LRRC7: variants seen among roughly 807,000 people sequenced by gnomAD.
LRRC7 encodes leucine-rich repeat-containing protein 7.
Under a neutral mutation model 175.7 loss-of-function variants are expected in LRRC7, and 23 were observed. The observed-to-expected ratio is 0.13, with a 90% CI of 0.09 to 0.19. LRRC7 has a LOEUF of 0.19. Ranked by LOEUF, LRRC7 falls within the 10% of genes least tolerant of loss-of-function variation. The pLI is 1.00. For missense variants in LRRC7, 1,354 were observed against 1,904.7 expected, an observed-to-expected ratio of 0.71 and a Z score of 5.38; for synonymous variants, 685 against 680.9, an observed-to-expected ratio of 1.01 and a Z score of -0.09.
At chr1:69,585,190 T>C (rs964679228) in intron 1 of LRRC7, among the ~76,000 whole-genome samples, 6 of 152,140 alleles carry the variant, frequency 3.9e-5, no homozygotes, top group Admixed American at 3.9e-4. Context: ...TTAATATTTA[T>C]TGGGGGTCTA....
At position 70,133,706 on chromosome 1, in the gene LRRC7, A is replaced by G. The variant is rs1206610152; in HGVS notation, c.*11819A>G. 6.6e-6 allele frequency among the ~76,000 whole-genome samples: 1 copy of G among 152,114 alleles called. No homozygotes were observed. The highest frequency in any genetic ancestry group is 1.5e-5 in the Non-Finnish European group (1 of 68,012). On this transcript the variant is annotated 3_prime_UTR_variant, in exon 27 of 27. Transcript: ENST00000651989. ...TCACCCAAAACCTAATGAGACAGAAACCACTTTCTCAGTGAGGCTTGATTG... is the reference window on the plus strand; with the variant it reads ...TCACCCAAAACCTAATGAGACAGAAGCCACTTTCTCAGTGAGGCTTGATTG...
chr1:70,026,220 A>G (rs980262219), intron 17 of LRRC7, among the ~76,000 whole-genome samples: 2 of 152,108 alleles, frequency 1.3e-5, no homozygotes, highest in Admixed American at 6.6e-5. Flanking sequence ...GGATTTTTTA[A>G]GTTGCATAGA....
intron 1 of LRRC7, among the ~76,000 whole-genome samples, chr1:69,652,178 A>T (rs916388856): frequency 2.0e-5 from 3 of 152,192 alleles, no homozygotes; most frequent in African/African-American, 7.2e-5. Flanking sequence ...AAAAAGAAAT[A>T]AAGGGCATAC....
At chr1:69,614,773 C>T (rs1043592331) in intron 1 of LRRC7, among the ~76,000 whole-genome samples, 6 of 152,036 alleles carry the variant, frequency 3.9e-5, no homozygotes, top group African/African-American at 1.4e-4. Context: ...AACAAATCTA[C>T]TTACTGTGGC....
rs75982098 is a variant in LRRC7 at position 69,883,702 on chromosome 1, G to T, written c.647+45419G>T. ...GAAGTCCTTGCCCATGCCTATGTCC[G>T]GAATGGTAATGCCTAGGTTTTCTTC... On this transcript the variant is annotated intron_variant, in intron 7 of 26. Transcript: ENST00000651989. 2.6e-4 allele frequency among the ~76,000 whole-genome samples: 23 copies of T among 87,454 alleles called. 1 individual carries two copies. Among genetic ancestry groups the T allele is most frequent in the South Asian group, 7.0e-4 (2 of 2,874 alleles). The allele number at this position is 87,454 out of a possible 152,430, so 57.4% of individuals were successfully genotyped here. A position where few individuals can be genotyped will look rare whatever the true frequency, so the allele number is the denominator to read the frequency against.
At chr1:69,792,270 C>T in intron 4 of LRRC7, 110 bp downstream of exon 4, 1 of 686,098 alleles carries the variant, frequency 1.5e-6, no homozygotes. Context: ...GATTTTGTTG[C>T]AACTGTAGTT....
At chr1:69,761,822 G>A (rs1671069132) in intron 3 of LRRC7, among the ~76,000 whole-genome samples, 1 of 152,012 alleles carries the variant, frequency 6.6e-6, no homozygotes, top group South Asian at 2.1e-4. Context: ...TGTTGTCCCT[G>A]ACTGAGAGAA....
At chr1:69,736,097 T>C (rs1425805731) in intron 2 of LRRC7, among the ~76,000 whole-genome samples, 3 of 152,120 alleles carry the variant, frequency 2.0e-5, no homozygotes, top group African/African-American at 7.2e-5. Context: ...TTTGATGCTT[T>C]CCTACAAGTC....
intron 10 of LRRC7, among the ~76,000 whole-genome samples, chr1:69,989,157 C>T (rs76630348): frequency 6.6e-6 from 1 of 151,728 alleles, no homozygotes; most frequent in Non-Finnish European, 1.5e-5. Context: ...TAACAAAAAC[C>T]TGAGCTATGA....
intron 22 of LRRC7, among the ~76,000 whole-genome samples, chr1:70,046,532 G>GCCT (rs1422996763): frequency 6.6e-6 from 1 of 152,058 alleles, no homozygotes; most frequent in Non-Finnish European, 1.5e-5. Context: ...GAAAAGTAGA[G>GCCT]AAGGCAAGGG....
chr1:69,909,236 G>T (rs1452830201), intron 7 of LRRC7, among the ~76,000 whole-genome samples: 2 of 152,082 alleles, frequency 1.3e-5, no homozygotes, highest in Non-Finnish European at 2.9e-5. Flanking sequence ...TTGCCAGTCT[G>T]TGTCTTTTAA....
intron 2 of LRRC7, among the ~76,000 whole-genome samples, chr1:69,724,365 C>A (rs1666700692): frequency 6.6e-6 from 1 of 152,006 alleles, no homozygotes; most frequent in South Asian, 2.1e-4. Flanking sequence ...AAACCTATGT[C>A]TTTGTGAATG....
intron 1 of LRRC7, among the ~76,000 whole-genome samples, chr1:69,581,574 T>G (rs191133699): frequency 6.6e-6 from 1 of 152,152 alleles, no homozygotes; most frequent in Non-Finnish European, 1.5e-5. Flanking sequence ...ATTGACAGAA[T>G]GAAGGAAACT....
At chr1:69,825,937 A>G in intron 5 of LRRC7, 111 bp downstream of exon 5, 1 of 549,578 alleles carries the variant, frequency 1.8e-6, no homozygotes. Flanking sequence ...GCATTGACAT[A>G]GCATTTAATA....
intron 5 of LRRC7, 30 bp from the exon 6 acceptor site, chr1:69,834,750 G>A: frequency 6.6e-7 from 1 of 1,509,688 alleles, no homozygotes; most frequent in Non-Finnish European, 9.2e-7. Context: ...CAACATCAAT[G>A]CAGTGACTAA....
rs932838267 is a variant in LRRC7, at chr1:70,039,431, T to C, written c.3607T>C (p.Phe1203Leu). Reference protein sequence around the residue: ...QSSVTVTESQFLKRNGRYEDE... With the variant: ...QSSVTVTESQLLKRNGRYEDE... ...CAGCGTTACAGTGACTGAGTCCCAGTTCCTGAAAAGGAATGGCAGGTATGA... is the reference window on the plus strand; with the variant it reads ...CAGCGTTACAGTGACTGAGTCCCAGCTCCTGAAAAGGAATGGCAGGTATGA... The change falls in exon 21 of 27, where the codon TTC (phenylalanine) becomes CTC (leucine). Residue 1203 changes from phenylalanine to leucine, a missense_variant. Physicochemically the swap from Phe to Leu is conservative, Grantham distance 22. Transcript: ENST00000651989. The C allele has an allele frequency of 1.2e-6, 2 of 1,614,108 alleles. No individual in the cohort carries two copies. The highest frequency in any genetic ancestry group is 1.7e-5 in the Admixed American group (1 of 60,020).
chr1:69,951,959 A>G (rs1413497161), intron 8 of LRRC7, among the ~76,000 whole-genome samples: 2 of 152,056 alleles, frequency 1.3e-5, no homozygotes, highest in African/African-American at 4.8e-5. Flanking sequence ...AATAATAAAT[A>G]AAAGATAGTT....
At chr1:69,700,975 CT>C in intron 2 of LRRC7, among the ~76,000 whole-genome samples, 1 of 152,320 alleles carries the variant, frequency 6.6e-6, no homozygotes, top group African/African-American at 2.4e-5. Flanking sequence ...CCTGCGCCCC[CT>C]TGTGACTTCC....
At chr1:69,690,164 A>C (rs1448247726) in intron 2 of LRRC7, among the ~76,000 whole-genome samples, 5 of 152,186 alleles carry the variant, frequency 3.3e-5, no homozygotes, top group African/African-American at 7.2e-5. Flanking sequence ...GAGATGCTAC[A>C]TAGGATATAA....
Sources: allele counts gnomAD v4.1 joint callset (sites outside exome capture counted in the v4.1 genomes callset), GRCh38; gene constraint gnomAD v4.1.1; transcripts MANE v1.5; gene names NCBI Gene and HGNC (gene_info 2026-07-23, HGNC 2026-07-21).